TNRC6C: variants seen among roughly 807,000 people sequenced by gnomAD.
The protein encoded by TNRC6C is trinucleotide repeat containing adaptor 6C, also known as trinucleotide repeat-containing gene 6C protein.
Under a neutral mutation model 153.7 loss-of-function variants are expected in TNRC6C, and 20 were observed. That is an observed-to-expected ratio of 0.13 (90% CI 0.09 to 0.19). The LOEUF is 0.19. Among genes scored for constraint, TNRC6C ranks in the 10% least tolerant of loss-of-function variants. TNRC6C has a pLI of 1.00. For synonymous variants in TNRC6C, 811 were observed against 841.4 expected (o/e 0.96, Z 0.63); for missense variants, 1,987 against 2,172.0 (o/e 0.91, Z 1.69).
intron 5 of TNRC6C, among the ~76,000 whole-genome samples, chr17:78,069,759 G>C (rs2072955167): frequency 6.6e-6 from 1 of 152,156 alleles, no homozygotes; most frequent in Non-Finnish European, 1.5e-5. Context: ...AAAGTACATT[G>C]TTAAATTAAA....
intron 2 of TNRC6C, among the ~76,000 whole-genome samples, chr17:78,046,449 A>G (rs1432419552): frequency 6.6e-6 from 1 of 152,162 alleles, no homozygotes; most frequent in Non-Finnish European, 1.5e-5. Context: ...AAGTGCTGGG[A>G]TTACAGGCGA....
chr17:78,032,003 G>A (rs2072085150), intron 2 of TNRC6C, among the ~76,000 whole-genome samples, 161 bp downstream of exon 4: 1 of 152,096 alleles, frequency 6.6e-6, no homozygotes, highest in South Asian at 2.1e-4. Context: ...AAATTTAATT[G>A]TGTTTTCCCT....
intron 1 of TNRC6C, among the ~76,000 whole-genome samples, chr17:77,996,421 A>G (rs145312663): frequency 2.9e-4 from 44 of 152,352 alleles, no homozygotes; most frequent in African/African-American, 1.0e-3. Context: ...GAATCCAGGT[A>G]GCAGGCACTG....
intron 1 of TNRC6C, among the ~76,000 whole-genome samples, chr17:77,979,319 T>C (rs967510538): frequency 1.1e-4 from 17 of 152,232 alleles, no homozygotes; most frequent in African/African-American, 4.1e-4. Flanking sequence ...ATTACACTGA[T>C]TTGATCCTTA....
chr17:78,073,580 A>G (rs555140478), intron 7 of TNRC6C, among the ~76,000 whole-genome samples: 1 of 152,328 alleles, frequency 6.6e-6, no homozygotes, highest in Admixed American at 6.5e-5. Flanking sequence ...TTTACATTTA[A>G]ATATAGTCGA....
intron 3 of TNRC6C, among the ~76,000 whole-genome samples, chr17:78,052,986 C>T (rs143484229): frequency 1.6e-3 from 247 of 152,264 alleles, no homozygotes; most frequent in African/African-American, 5.6e-3. Flanking sequence ...TTTCTGGCTT[C>T]CTTTGGAAAC....
At chr17:78,068,233 T>A (rs76190778) in intron 5 of TNRC6C, among the ~76,000 whole-genome samples, 295 of 152,342 alleles carry the variant, frequency 1.9e-3, no homozygotes, top group African/African-American at 6.8e-3. Context: ...AAGCCAGACA[T>A]AGAGATTTGC....
At chr17:78,064,218 C>T (rs1354544045) in intron 3 of TNRC6C, among the ~76,000 whole-genome samples, 1 of 151,892 alleles carries the variant, frequency 6.6e-6, no homozygotes, top group Non-Finnish European at 1.5e-5. Context: ...GCCTCAGCCT[C>T]CCCAATAGCT....
intron 2 of TNRC6C, among the ~76,000 whole-genome samples, chr17:78,036,948 A>G (rs892384487): frequency 1.3e-5 from 2 of 151,802 alleles, no homozygotes; most frequent in Non-Finnish European, 2.9e-5. Context: ...GAAAGAAAGA[A>G]TGGAAAGAGA....
At chr17:78,018,106 T>G (rs558643592) in intron 1 of TNRC6C, among the ~76,000 whole-genome samples, 25 of 152,168 alleles carry the variant, frequency 1.6e-4, no homozygotes, top group African/African-American at 5.8e-4. Flanking sequence ...TATATATGGT[T>G]TTTGGTTTTT....
intron 1 of TNRC6C, among the ~76,000 whole-genome samples, chr17:78,030,952 A>C (rs1332058703): frequency 6.6e-6 from 1 of 152,024 alleles, no homozygotes; most frequent in Non-Finnish European, 1.5e-5. Flanking sequence ...TATAAAAAGT[A>C]TCTGGGCTTG....
At position 78,103,497 on chromosome 17, in the gene TNRC6C, T is replaced by C. The variant is rs779331843; in HGVS notation, c.4656T>C (p.Ala1552=). Reference sequence around the variant, plus strand: ...ACCTGAATCTGACTCAAGGCAATGCTGTGGTCCGGTACAGCTCCAAGGAGG... The same window carrying C: ...ACCTGAATCTGACTCAAGGCAATGCCGTGGTCCGGTACAGCTCCAAGGAGG... The change falls in exon 19 of 20, where the codon GCT becomes GCC. Residue 1552 remains alanine (A), a synonymous_variant. Coordinates refer to ENST00000301624, the Ensembl canonical transcript of TNRC6C. The C allele has an allele frequency of 1.9e-6, 3 of 1,614,050 alleles. No homozygotes were observed. In the Admixed American group the frequency reaches 5.0e-5, roughly 27 times the overall value.
At chr17:78,076,109 G>C (rs992372164) in intron 8 of TNRC6C, among the ~76,000 whole-genome samples, 1 of 151,940 alleles carries the variant, frequency 6.6e-6, no homozygotes, top group Non-Finnish European at 1.5e-5. Context: ...CCAGCTACTC[G>C]GGAGGCTGAG....
In TNRC6C at chr17:78,091,424, G is replaced by A. The variant is rs777679751; in HGVS notation, c.3803-16G>A. 2.2e-4 allele frequency: 351 copies of A among 1,568,592 alleles called. No individual in the cohort carries two copies. In the Admixed American group the frequency reaches 3.5e-3, roughly 15 times the overall value. On this transcript the variant is annotated splice_polypyrimidine_tract_variant and intron_variant, in intron 13 of 19. Transcript: ENST00000301624. ...TTAGAGGAGCAGGCGAATCCTAACC[G>A]CATCTCTCTCTTTAGCTGGACTGAA...
At chr17:78,050,218 G>A in exon 3 of TNRC6C, 1 of 1,538,070 alleles carries the variant, frequency 6.5e-7, no homozygotes, top group Non-Finnish European at 8.7e-7. Flanking sequence ...GAACTCCTGG[G>A]CCAAAGCGGC....
At position 78,049,964 on chromosome 17, in the gene TNRC6C, G is replaced by A; in HGVS notation, c.902G>A (p.Gly301Glu). The A allele has an allele frequency of 1.2e-6, 2 of 1,614,056 alleles. No homozygotes were observed. Among genetic ancestry groups the A allele is most frequent in the Non-Finnish European group, 8.5e-7 (1 of 1,179,896 alleles). ...AGTGGAGGAAATGCTTGGGATTCAG[G>A]ACCTCCTGCTGGTCCTGGAATACTC... Residue 301 changes from glycine (G) to glutamate (E), a missense_variant, in exon 3 of 20, where the codon GGA becomes GAA. Around this residue, in one of 4 missense-constraint regions of TNRC6C, gnomAD observed 1,052 missense variants for 1,017.0 expected, o/e 1.03. Coordinates refer to ENST00000301624, the Ensembl canonical transcript of TNRC6C. The surrounding 1 kb of genome is among the most constrained non-coding windows in gnomAD (Gnocchi z 4.1).
chr17:77,962,320 G>A (rs1020847630), intron 1 of TNRC6C, among the ~76,000 whole-genome samples: 2 of 152,196 alleles, frequency 1.3e-5, no homozygotes, highest in Admixed American at 1.3e-4. Context: ...TCGATTGCAT[G>A]CTTATGCTTT....
At chr17:78,050,708 C>G in exon 3 of TNRC6C, 3 of 1,577,832 alleles carry the variant, frequency 1.9e-6, no homozygotes, top group Non-Finnish European at 2.6e-6. Context: ...GTTAGTACTG[C>G]TGCTGCTGCC....
chr17:77,988,401 T>A (rs1038127221), intron 1 of TNRC6C, among the ~76,000 whole-genome samples: 9 of 152,142 alleles, frequency 5.9e-5, no homozygotes, highest in Admixed American at 5.9e-4. Flanking sequence ...ATTTTCCAGC[T>A]ATTTATTTTT....
Sources: gnomAD v4.1 joint callset for allele counts (sites outside exome capture counted in the v4.1 genomes callset) on GRCh38, gnomAD v4.1.1 for gene constraint, gnomAD v4.1.1 regional missense constraint, Gnocchi (gnomAD v3.1) non-coding constraint, MANE v1.5 for transcripts, NCBI Gene and HGNC (gene_info 2026-07-23, HGNC 2026-07-21) for gene names.